SLC36A1: variants seen among roughly 807,000 people sequenced by gnomAD.
The protein encoded by SLC36A1 is solute carrier family 36 member 1.
In SLC36A1, 30 loss-of-function variants were observed where a neutral mutation model predicts 47.5. That is an observed-to-expected ratio of 0.63 (90% CI 0.47 to 0.86). The LOEUF (loss-of-function observed/expected upper bound fraction) is 0.86, where lower values mean the gene tolerates loss of function less well. SLC36A1 is among the 40% of genes least tolerant of loss of function. SLC36A1 has a pLI of 0.00. For missense variants in SLC36A1, 517 were observed against 606.0 expected, an observed-to-expected ratio of 0.85 and a Z score of 1.54; for synonymous variants, 255 against 249.7, an observed-to-expected ratio of 1.02 and a Z score of -0.20.
At chr5:151,553,368 C>T in the SLC36A1 span, 1 of 1,614,164 alleles carries the variant, frequency 6.2e-7, no homozygotes, top group South Asian at 1.1e-5. Flanking sequence ...TGGTGGCTGC[C>T]CACTGTCTGT....
chr5:151,531,169 T>C, the SLC36A1 span, among the ~76,000 whole-genome samples: 2 of 152,050 alleles, frequency 1.3e-5, no homozygotes. The surrounding 1 kb of genome is among the most constrained non-coding windows in gnomAD (Gnocchi z 5.7). Context: ...TTGGAGTGGA[T>C]GTGGGGACTC....
the SLC36A1 span, chr5:151,527,452 T>A: frequency 2.1e-6 from 3 of 1,400,510 alleles, no homozygotes; most frequent in Admixed American, 2.5e-5. Context: ...TCATCACTAA[T>A]ATTTTCAAAA....
the SLC36A1 span, chr5:151,538,055 G>T: frequency 1.1e-6 from 1 of 882,664 alleles, no homozygotes; most frequent in Admixed American, 2.6e-5. Context: ...GAGACACTAA[G>T]AGGGCAGAGA....
chr5:151,525,508 G>C, the SLC36A1 span, among the ~76,000 whole-genome samples: 1 of 152,138 alleles, frequency 6.6e-6, no homozygotes, highest in Non-Finnish European at 1.5e-5. Flanking sequence ...ACCCACCTTT[G>C]CCACTTATTA....
the SLC36A1 span, among the ~76,000 whole-genome samples, chr5:151,363,923 A>G: frequency 7.2e-5 from 11 of 152,226 alleles, no homozygotes; most frequent in Admixed American, 6.5e-4. Flanking sequence ...TGGTATTATA[A>G]GCTGATACTA....
chr5:151,482,808 A>G (rs13177627), intron 10 of SLC36A1, among the ~76,000 whole-genome samples: 19,260 of 152,202 alleles, frequency 0.13, 1,523 homozygotes, highest in East Asian at 0.25. Flanking sequence ...CAAGACTACT[A>G]TGAATTTTAA....
At chr5:151,487,921 T>C (rs1759778379) in intron 10 of SLC36A1, 62 bp from the exon 11 acceptor site, 41 of 1,582,926 alleles carry the variant, frequency 2.6e-5, no homozygotes, top group South Asian at 4.5e-5. Flanking sequence ...CGCTCAACAG[T>C]AGGGAGACAG....
the SLC36A1 span, among the ~76,000 whole-genome samples, chr5:151,422,984 C>T: frequency 6.6e-6 from 1 of 152,116 alleles, no homozygotes; most frequent in East Asian, 1.9e-4. Context: ...GACAAAAGAC[C>T]TGAACAGACA....
chr5:151,467,903 T>C lies in SLC36A1; in HGVS notation c.701T>C (p.Met234Thr). 6.2e-7 allele frequency: 1 copy of C among 1,613,794 alleles called. No individual in the cohort carries two copies. The highest frequency in any genetic ancestry group is 8.5e-7 in the Non-Finnish European group (1 of 1,179,932). ...ANITMLVSLV[M>T]IYQFIVQRIP... is the part of the protein sequence containing the mutation. ...ATCACCATGCTGGTCAGCTTGGTCA[T>C]GATCTACCAGTTCATTGTTCAGGTA... Residue 234 changes from methionine (M) to threonine (T), a missense_variant, in exon 7 of 11, where the codon ATG becomes ACG. Coordinates refer to ENST00000243389, the MANE Select transcript of SLC36A1 (RefSeq NM_078483.4).
chr5:151,487,371 A>T lies in SLC36A1; in HGVS notation c.1160-612A>T, dbSNP rs140675608. Among the ~76,000 whole-genome samples, 33 of 152,292 alleles carry T rather than the reference A, an allele frequency of 2.2e-4. No homozygotes were observed. In the East Asian group the frequency reaches 6.4e-3, roughly 29 times the overall value. ...TGGCTCACCCGTGGCTGAGTTTCAGATGTGAGAGCCAGTGGGTGTCCTGTC... is the reference window on the plus strand; with the variant it reads ...TGGCTCACCCGTGGCTGAGTTTCAGTTGTGAGAGCCAGTGGGTGTCCTGTC... On this transcript the variant is annotated intron_variant, in intron 10 of 10. Transcript: ENST00000243389.
At chr5:151,354,133 G>A in the SLC36A1 span, among the ~76,000 whole-genome samples, 2 of 152,068 alleles carry the variant, frequency 1.3e-5, no homozygotes, top group East Asian at 1.9e-4. Flanking sequence ...GTGAAACCCC[G>A]TCTCTACTCA....
the SLC36A1 span, chr5:151,543,159 G>A: frequency 6.2e-7 from 1 of 1,614,066 alleles, no homozygotes; most frequent in South Asian, 1.1e-5. Flanking sequence ...AGAAGTCAAG[G>A]GTCTGATTTT....
chr5:151,543,934 A>T, the SLC36A1 span: 1 of 1,614,122 alleles, frequency 6.2e-7, no homozygotes, highest in Non-Finnish European at 8.5e-7. Flanking sequence ...GACTTTAAGA[A>T]CCAGGTGTCC....
At chr5:151,384,918 AG>A in the SLC36A1 span, among the ~76,000 whole-genome samples, 1 of 152,054 alleles carries the variant, frequency 6.6e-6, no homozygotes, top group Non-Finnish European at 1.5e-5. Flanking sequence ...AAAGTCAAAA[AG>A]ATGCAGAAAG....
intron 5 of SLC36A1, among the ~76,000 whole-genome samples, chr5:151,465,945 T>TAAAA (rs35854261): frequency 1.1e-3 from 161 of 147,028 alleles, no homozygotes; most frequent in African/African-American, 3.0e-3. Flanking sequence ...TAAAAATTCT[T>TAAAA]AAAAAAAAAA....
the SLC36A1 span, chr5:151,509,790 C>T: frequency 3.9e-6 from 2 of 513,190 alleles, no homozygotes; most frequent in Admixed American, 6.1e-5. Context: ...TTGAATCATC[C>T]TGAAACCATC....
upstream of SLC36A1, among the ~76,000 whole-genome samples, chr5:151,432,860 C>T (rs567085399): frequency 1.3e-5 from 2 of 152,152 alleles, no homozygotes; most frequent in South Asian, 4.2e-4. Context: ...CTGCCAAGAA[C>T]TTGAATGAGC....
the SLC36A1 span, among the ~76,000 whole-genome samples, chr5:151,508,457 C>A: frequency 6.6e-6 from 1 of 152,154 alleles, no homozygotes; most frequent in Non-Finnish European, 1.5e-5. Flanking sequence ...TGCCTGTAAT[C>A]CCAGCACTTT....
chr5:151,516,464 T>C, the SLC36A1 span, among the ~76,000 whole-genome samples: 109,877 of 151,986 alleles, frequency 0.72, 40,144 homozygotes, highest in East Asian at 0.96. Flanking sequence ...TGCAGTGAGC[T>C]GAGATCATGC....
Sources: gnomAD v4.1 joint callset for allele counts (sites outside exome capture counted in the v4.1 genomes callset) on GRCh38, gnomAD v4.1.1 for gene constraint, Gnocchi (gnomAD v3.1) non-coding constraint, MANE v1.5 for transcripts, NCBI Gene and HGNC (gene_info 2026-07-23, HGNC 2026-07-21) for gene names.